The following HR variants were observed in gnomAD, a reference collection of about 807,000 sequenced individuals.
The protein encoded by HR is HR lysine demethylase and nuclear receptor corepressor.
A neutral mutation model predicts 128.6 loss-of-function variants in HR; 83 were observed. The ratio of observed to expected loss-of-function variants is 0.65; its 90% CI spans 0.54 to 0.77. The LOEUF is 0.77. HR is among the 30% of genes least tolerant of loss of function. The pLI, the probability that HR is intolerant of heterozygous loss-of-function variation, is 0.00. For synonymous variants in HR, 681 were observed against 658.2 expected (o/e 1.03, Z -0.53); for missense variants, 1,490 against 1,574.6 (o/e 0.95, Z 0.91).
At chr8:22,126,708 G>C (rs1826898627) in intron 3 of HR, among the ~76,000 whole-genome samples, 1 of 152,206 alleles carries the variant, frequency 6.6e-6, no homozygotes, top group Non-Finnish European at 1.5e-5. Context: ...GAGGCCCAGA[G>C]AGGCGAAGCA....
At chr8:22,121,941 T>G (rs943911352) in intron 8 of HR, among the ~76,000 whole-genome samples, 7 of 152,190 alleles carry the variant, frequency 4.6e-5, no homozygotes, top group Non-Finnish European at 1.0e-4. Context: ...AAACTAATGG[T>G]AGCATTAAGG....
rs371739727 is a variant in HR at position 22,118,980 on chromosome 8, G to A, written c.3183C>T (p.Asp1061=). 7.9e-5 allele frequency: 128 copies of A among 1,612,342 alleles called. No homozygotes were observed. The highest frequency in any genetic ancestry group is 3.3e-4 in the South Asian group (30 of 91,050). The change falls in exon 16 of 19, where the codon GAC becomes GAT. Residue 1061 remains aspartate (D), a synonymous_variant. Coordinates refer to ENST00000381418, the MANE Select transcript of HR (RefSeq NM_005144.5). ...STVWHVFRAQ[D]AQRIRRFLQM... is the part of the protein sequence containing the mutation. Reference sequence around the variant, plus strand: ...GGAGAAAGCGGCGGATGCGCTGGGCGTCCTGTGCCCGGAACACGTGCCACA... The same window carrying A: ...GGAGAAAGCGGCGGATGCGCTGGGCATCCTGTGCCCGGAACACGTGCCACA...
intron 16 of HR, chr8:22,117,307 G>A (rs948719441): frequency 6.5e-6 from 3 of 462,818 alleles, no homozygotes; most frequent in African/African-American, 6.1e-5. Context: ...TCTGGGGCTG[G>A]AGGCCTTTAA....
At chr8:22,115,784 A>C (rs1826570454) in intron 18 of HR, 22 bp from the exon 19 acceptor site, 1 of 1,612,680 alleles carries the variant, frequency 6.2e-7, no homozygotes, top group Non-Finnish European at 8.5e-7. Context: ...AGAGAGGACA[A>C]AGCATTTTCA....
chr8:22,124,503 C>A (rs57358213), intron 5 of HR, among the ~76,000 whole-genome samples: 2 of 152,146 alleles, frequency 1.3e-5, no homozygotes, highest in African/African-American at 4.8e-5. Flanking sequence ...GGTGCAGGGG[C>A]CTCAGAGGTG....
Position 22,115,320 on chromosome 8 carries a change from G to A in HR, c.*380C>T, listed in dbSNP as rs1042803916. Reference sequence around the variant, plus strand: ...GCTGGGGCAGTAGAGTGGGCTCAGCGGGAGTGAGCAGCAGGAGGAGGTGTT... The same window carrying A: ...GCTGGGGCAGTAGAGTGGGCTCAGCAGGAGTGAGCAGCAGGAGGAGGTGTT... On this transcript the variant is annotated 3_prime_UTR_variant, in exon 19 of 19. Transcript: ENST00000381418. 4.9e-5 allele frequency: 18 copies of A among 369,142 alleles called. No homozygotes were observed. Among genetic ancestry groups the A allele is most frequent in the South Asian group, 3.7e-4 (14 of 37,756 alleles). The allele number at this position is 369,142 out of a possible 1,614,324, so 22.9% of individuals were successfully genotyped here.
chr8:22,119,225 G>A lies in HR; in HGVS notation c.3036C>T (p.Asp1012=). ...CGGCATGCACCAGGATGCTGACCAG[G>A]TCGGCCACCTCCACACAGAGGTTCT... The part of the protein sequence containing the change: ...GTKNLCVEVA[D]LVSILVHADT... The change falls in exon 15 of 19, where the codon GAC becomes GAT. Residue 1012 remains aspartate (D), a synonymous_variant. Transcript: ENST00000381418. 6.2e-7 allele frequency: 1 copy of A among 1,613,848 alleles called. No individual in the cohort carries two copies. Among genetic ancestry groups the A allele is most frequent in the Non-Finnish European group, 8.5e-7 (1 of 1,180,022 alleles).
Position 22,122,426 on chromosome 8 carries a change from C to T in HR, c.2121+67G>A, listed in dbSNP as rs1826776790. The T allele has an allele frequency of 4.3e-6, 5 of 1,171,890 alleles. No homozygotes were observed. In the Admixed American group the frequency reaches 1.0e-4, roughly 23 times the overall value. 72.6% of individuals were successfully genotyped at this position (1,171,890 alleles called of 1,614,324 possible). ...CATCCCCACCAAGAAAAGGGGGGGC[C>T]AAACCCCTGCAAAGGTCAGCCATTT... On this transcript the variant is annotated intron_variant, in intron 8 of 18. Transcript: ENST00000381418.
rs1180814632 is a variant in HR at position 22,127,583 on chromosome 8, C to A, written c.859G>T (p.Val287Phe). The A allele has an allele frequency of 1.9e-6, 3 of 1,612,700 alleles. No homozygotes were observed. Among genetic ancestry groups the A allele is most frequent in the Admixed American group, 1.7e-5 (1 of 60,036 alleles). ...TSWPACPPGL[V>F]HTLGNVWAGP... ...GCCCAGACGTTGCCAAGAGTATGAA[C>A]AAGGCCTGGGGGACAAGCGGGCCAG... Residue 287 changes from valine to phenylalanine, a missense_variant, in exon 3 of 19, where the codon GTT becomes TTT. Transcript: ENST00000381418.
chr8:22,121,471 T>C, intron 9 of HR, 142 bp downstream of exon 9: 2 of 958,644 alleles, frequency 2.1e-6, no homozygotes. Flanking sequence ...TGGAGGCATG[T>C]CCTGAGGGGA....
intron 5 of HR, among the ~76,000 whole-genome samples, chr8:22,124,068 T>C (rs1826826085): frequency 6.6e-6 from 1 of 152,126 alleles, no homozygotes; most frequent in African/African-American, 2.4e-5. Flanking sequence ...AGCTCCACCA[T>C]TCCTGCCCCA....
rs758816700 is a variant in HR at position 22,129,054 on chromosome 8, C to T, written c.117G>A (p.Gly39=). The T allele has an allele frequency of 1.9e-6, 3 of 1,598,234 alleles. No individual in the cohort carries two copies. Among genetic ancestry groups the T allele is most frequent in the South Asian group, 1.1e-5 (1 of 88,886 alleles). Residue 39 remains glycine, a synonymous_variant, in exon 2 of 19, where the codon GGG becomes GGA. Transcript: ENST00000381418. The part of the protein sequence containing the change: ...GSPPRDGLHH[G]PLCLGEPAPF... ...GAGCAGGCTCTCCCAGGCACAGCGG[C>T]CCATGGTGCAGTCCATCTCGAGGCG...
intron 3 of HR, 30 bp from the exon 4 acceptor site, chr8:22,125,762 T>G: frequency 6.2e-7 from 1 of 1,611,786 alleles, no homozygotes. Context: ...GTCAGGAATC[T>G]GGGTTTCTTG....
In HR at chr8:22,116,435, C is replaced by T. The variant is rs570609375; in HGVS notation, c.3379-7G>A. 11 of 1,612,966 alleles carry T rather than the reference C, an allele frequency of 6.8e-6. No individual in the cohort carries two copies. The highest frequency in any genetic ancestry group is 2.2e-5 in the South Asian group (2 of 90,874). On this transcript the variant is annotated splice_region_variant and splice_polypyrimidine_tract_variant and intron_variant, in intron 17 of 18. Transcript: ENST00000381418. This position sits in a 1 kb window ranked among gnomAD's most constrained non-coding sequence, Gnocchi z 4.2. ...TGCTCACCAGGCCCTGCACCTGTGT[C>T]GGGGGGACATGGACAGTGAGGCTCA...
At chr8:22,128,045 A>T in intron 2 of HR, 2 of 635,616 alleles carry the variant, frequency 3.1e-6, no homozygotes, top group Admixed American at 4.8e-5. Context: ...CCCACAAGGA[A>T]GTCTAAGAAC....
chr8:22,121,464 A>T (rs993984301), intron 9 of HR, 149 bp downstream of exon 9: 1 of 919,482 alleles, frequency 1.1e-6, no homozygotes, highest in East Asian at 2.5e-5. Flanking sequence ...AGGTGTTTGG[A>T]GGCATGTCCT....
Position 22,127,137 on chromosome 8 carries a change from A to G in HR, c.1305T>C (p.Phe435=), listed in dbSNP as rs12675745. ...CAGCCCCCTGTTCTGCAGTGCCTGGAAAAGGGTCCGGTGGCCGCTTGGGGG... is the reference window on the plus strand; with the variant it reads ...CAGCCCCCTGTTCTGCAGTGCCTGGGAAAGGGTCCGGTGGCCGCTTGGGGG... The part of the protein sequence containing the change: ...SPAPKRPPDP[F]PGTAEQGAGG... Residue 435 remains phenylalanine (F), a synonymous_variant, in exon 3 of 19, where the codon TTT becomes TTC. Transcript: ENST00000381418. 995,730 of 1,611,568 alleles carry G rather than the reference A, an allele frequency of 0.62. 309,781 individuals are homozygous for G. The highest frequency in any genetic ancestry group is 0.7 in the African/African-American group (52,720 of 74,974).
chr8:22,128,822 G>A lies in HR; in HGVS notation c.349C>T (p.Pro117Ser). Residue 117 changes from proline to serine, a missense_variant, in exon 2 of 19, where the codon CCT becomes TCT. Pro to Ser is a moderately conservative substitution (Grantham distance 74, BLOSUM62 -1). Transcript: ENST00000381418. ...TCAGGCATCAGGGGGCCACAGCGAG[G>A]TGGGCACGCTGGCCCGCAGAATGCC... ...PLAFCGPACP[P>S]RCGPLMPEHS... 1 of 1,613,312 alleles carries A rather than the reference G, an allele frequency of 6.2e-7. No individual in the cohort carries two copies.
chr8:22,124,836 G>A (rs1257428999), intron 5 of HR, among the ~76,000 whole-genome samples: 2 of 152,190 alleles, frequency 1.3e-5, no homozygotes, highest in African/African-American at 4.8e-5. Flanking sequence ...GGAGTGGCAG[G>A]AGCTGACAGG....
Sources: gnomAD v4.1 joint callset for allele counts (sites outside exome capture counted in the v4.1 genomes callset) on GRCh38, gnomAD v4.1.1 for gene constraint, Gnocchi (gnomAD v3.1) non-coding constraint, MANE v1.5 for transcripts, NCBI Gene and HGNC (gene_info 2026-07-23, HGNC 2026-07-21) for gene names.